The following CSMD3 variants were observed in gnomAD, a reference collection of about 807,000 sequenced individuals.
CSMD3 encodes CUB and Sushi multiple domains 3, also known as CUB and sushi domain-containing protein 3.
CSMD3 carries 177 observed loss-of-function variants against 435.2 expected under a neutral mutation model. The ratio of observed to expected loss-of-function variants is 0.41; its 90% confidence interval spans 0.36 to 0.46. CSMD3 has a LOEUF of 0.46. CSMD3 is among the 20% of genes least tolerant of loss of function. CSMD3 has a pLI of 0.34. For synonymous variants in CSMD3, 1,656 were observed against 1,520.5 expected (o/e 1.09, Z -2.07); for missense variants, 4,265 against 4,504.6 (o/e 0.95, Z 1.52).
intron 38 of CSMD3, among the ~76,000 whole-genome samples, chr8:112,377,509 C>A (rs1355821011): frequency 6.6e-6 from 1 of 151,930 alleles, no homozygotes; most frequent in Non-Finnish European, 1.5e-5. Flanking sequence ...TGCAGTCAGC[C>A]CTGCCCTAAT....
At chr8:113,164,139 A>G (rs548620642) in intron 4 of CSMD3, among the ~76,000 whole-genome samples, 1 of 152,176 alleles carries the variant, frequency 6.6e-6, no homozygotes, top group East Asian at 1.9e-4. Context: ...CAAAGATACA[A>G]GAATTCAGAA....
chr8:113,288,269 G>A (rs942469464), intron 2 of CSMD3, among the ~76,000 whole-genome samples: 1 of 151,710 alleles, frequency 6.6e-6, no homozygotes, highest in African/African-American at 2.4e-5. Context: ...ATCTTCTAGA[G>A]AAAACTTTTT....
intron 52 of CSMD3, among the ~76,000 whole-genome samples, chr8:112,302,210 T>C (rs80050931): frequency 0.22 from 29,962 of 139,096 alleles, 3,571 homozygotes; most frequent in East Asian, 0.36. Context: ...TTCTTTTTTT[T>C]TCATTTTTTT....
At chr8:112,348,210 G>T (rs1288935916) in intron 40 of CSMD3, among the ~76,000 whole-genome samples, 2 of 152,176 alleles carry the variant, frequency 1.3e-5, no homozygotes, top group Admixed American at 1.3e-4. Flanking sequence ...CCTATGCCTT[G>T]AATATCAATT....
chr8:113,334,297 A>ATTTTTTTTTTTTTTTTTTT (rs2094052880), intron 1 of CSMD3, among the ~76,000 whole-genome samples: 3 of 126,280 alleles, frequency 2.4e-5, no homozygotes, highest in Non-Finnish European at 3.2e-5. Flanking sequence ...TTTTTTTTTC[A>ATTTTTTTTTTTTTTTTTTT]TTTCCAGCCT....
At chr8:112,779,085 A>G (rs2078315868) in intron 13 of CSMD3, among the ~76,000 whole-genome samples, 1 of 151,698 alleles carries the variant, frequency 6.6e-6, no homozygotes, top group South Asian at 2.1e-4. Context: ...AGTTTTTTAT[A>G]AGATGTGTCT....
chr8:112,261,276 A>G (rs1816372681), intron 61 of CSMD3, among the ~76,000 whole-genome samples: 1 of 152,094 alleles, frequency 6.6e-6, no homozygotes, highest in South Asian at 2.1e-4. Flanking sequence ...ATACTAACAT[A>G]TATCTGTTTC....
At chr8:112,821,562 A>G (rs1263284670) in intron 12 of CSMD3, among the ~76,000 whole-genome samples, 2 of 152,042 alleles carry the variant, frequency 1.3e-5, no homozygotes, top group Non-Finnish European at 2.9e-5. Flanking sequence ...TCTTTGTCGG[A>G]TTGAAAGATT....
At position 112,622,816 on chromosome 8, in the gene CSMD3, G is replaced by A. The variant is rs578033593; in HGVS notation, c.3715+14001C>T. Among the ~76,000 whole-genome samples, 5 of 152,116 alleles carry A rather than the reference G, an allele frequency of 3.3e-5. No homozygotes were observed. In the South Asian group the frequency reaches 1.0e-3, roughly 32 times the overall value. On this transcript the variant is annotated intron_variant, in intron 22 of 70. Transcript: ENST00000297405. ...ACAGACTTGTTGAGAATACTGAATG[G>A]GTTGATACATGCAAATCACTTAGCA...
At chr8:112,963,245 G>C (rs557861473) in intron 7 of CSMD3, among the ~76,000 whole-genome samples, 1 of 151,940 alleles carries the variant, frequency 6.6e-6, no homozygotes, top group Non-Finnish European at 1.5e-5. Context: ...CGTGGGAATC[G>C]TAACAGCCCA....
intron 14 of CSMD3, among the ~76,000 whole-genome samples, chr8:112,689,177 C>T (rs1308328852): frequency 2.0e-5 from 3 of 151,958 alleles, no homozygotes; most frequent in Non-Finnish European, 2.9e-5. Flanking sequence ...TCCTGAAGAG[C>T]AAACACAATA....
At chr8:112,436,585 T>C in intron 32 of CSMD3, among the ~76,000 whole-genome samples, 1 of 151,938 alleles carries the variant, frequency 6.6e-6, no homozygotes, top group East Asian at 1.9e-4. Context: ...TTTATGTATA[T>C]ATATGTATAC....
intron 54 of CSMD3, among the ~76,000 whole-genome samples, chr8:112,295,019 T>C (rs1563750837): frequency 6.6e-6 from 1 of 152,158 alleles, no homozygotes; most frequent in Non-Finnish European, 1.5e-5. Context: ...GTATACACTG[T>C]ACCCAATGTG....
At chr8:112,400,404 A>G (rs79371851) in intron 35 of CSMD3, among the ~76,000 whole-genome samples, 5,832 of 152,238 alleles carry the variant, frequency 0.038, 391 homozygotes, top group African/African-American at 0.13. Context: ...TTACATAAAA[A>G]ATTGGGGAAA....
intron 32 of CSMD3, among the ~76,000 whole-genome samples, chr8:112,470,921 A>G (rs1818458890): frequency 6.6e-6 from 1 of 151,886 alleles, no homozygotes; most frequent in Non-Finnish European, 1.5e-5. Flanking sequence ...TCATTTAAAA[A>G]AAACAGTTTT....
At chr8:112,801,202 A>G (rs2078953047) in intron 12 of CSMD3, among the ~76,000 whole-genome samples, 3 of 152,048 alleles carry the variant, frequency 2.0e-5, no homozygotes, top group East Asian at 1.9e-4. Flanking sequence ...TTACATCAGG[A>G]AAGTATAAAG....
intron 6 of CSMD3, among the ~76,000 whole-genome samples, chr8:112,995,584 A>C (rs1504348): frequency 0.98 from 148,231 of 151,180 alleles, 72,683 homozygotes; most frequent in East Asian, 1. Context: ...CTTAAGTAAC[A>C]GAAAAGTTTA....
intron 13 of CSMD3, among the ~76,000 whole-genome samples, chr8:112,765,785 C>G (rs2077963276): frequency 6.6e-6 from 1 of 151,660 alleles, no homozygotes; most frequent in Non-Finnish European, 1.5e-5. Flanking sequence ...CTCTGCGGTC[C>G]TGTATTTCTA....
At chr8:112,461,366 T>G (rs2130679650) in intron 32 of CSMD3, among the ~76,000 whole-genome samples, 1 of 152,288 alleles carries the variant, frequency 6.6e-6, no homozygotes, top group Non-Finnish European at 1.5e-5. Context: ...CTGTATGTAA[T>G]GACTTCTCCA....
Sources: gnomAD v4.1 joint callset for allele counts (sites outside exome capture counted in the v4.1 genomes callset) on GRCh38, gnomAD v4.1.1 for gene constraint, MANE v1.5 for transcripts, NCBI Gene and HGNC (gene_info 2026-07-23, HGNC 2026-07-21) for gene names.